PACSIN1: variants seen among roughly 807,000 people sequenced by gnomAD.
PACSIN1 encodes the protein protein kinase C and casein kinase substrate in neurons protein 1.
Under a neutral mutation model 59.5 loss-of-function variants are expected in PACSIN1, and 15 were observed. That is an observed-to-expected ratio of 0.25 (90% CI 0.17 to 0.39). The LOEUF is 0.39. PACSIN1 is among the 10% of genes least tolerant of loss of function. PACSIN1 has a pLI of 1.00. For missense variants in PACSIN1, 420 were observed against 580.2 expected, an observed-to-expected ratio of 0.72 and a Z score of 2.84; for synonymous variants, 210 against 220.6, an observed-to-expected ratio of 0.95 and a Z score of 0.42.
At position 34,526,263 on chromosome 6, in the gene PACSIN1, C is replaced by A; in HGVS notation, c.-43C>A. 1 of 1,561,802 alleles carries A rather than the reference C, an allele frequency of 6.4e-7. No homozygotes were observed. The highest frequency in any genetic ancestry group is 8.8e-7 in the Non-Finnish European group (1 of 1,136,902). ...CCCAGTGCATGAGCAGCCGAGCCTG[C>A]TAACCGCAGCTCCGCACTTGTCCAT... On this transcript the variant is annotated 5_prime_UTR_variant, in exon 2 of 10. It introduces an in-frame stop codon into an upstream open reading frame of the 5' UTR. Transcript: ENST00000244458.
rs1401406358 is a variant in PACSIN1 at position 34,530,252 on chromosome 6, T to C, written c.798T>C (p.His266=). ...ATCTCCCTGAGCACAGCTACATCCA[T>C]GTGTACCGTGAGCTGGAGCAGGCCA... The part of the protein sequence containing the change: ...LNLAENSSYI[H]VYRELEQAIR... Residue 266 remains histidine, a synonymous_variant, in exon 7 of 10, where the codon CAT becomes CAC. Transcript: ENST00000244458. The surrounding 1 kb of genome is among the most constrained non-coding windows in gnomAD (Gnocchi z 4.4). 3.1e-6 allele frequency: 5 copies of C among 1,613,356 alleles called. No individual in the cohort carries two copies. Among genetic ancestry groups the C allele is most frequent in the African/African-American group, 2.7e-5 (2 of 74,848 alleles).
intron 1 of PACSIN1, among the ~76,000 whole-genome samples, chr6:34,498,846 A>G (rs1161244319): frequency 6.7e-6 from 1 of 149,386 alleles, no homozygotes; most frequent in Non-Finnish European, 1.5e-5. Context: ...CTGGATATCC[A>G]CATTCAAAAG....
At chr6:34,470,506 C>T (rs1432809900) in intron 1 of PACSIN1, among the ~76,000 whole-genome samples, 6 of 151,618 alleles carry the variant, frequency 4.0e-5, no homozygotes, top group African/African-American at 9.7e-5. Flanking sequence ...TAAAATCACT[C>T]GATATTGTTA....
In PACSIN1 at chr6:34,533,933, G is replaced by T; in HGVS notation, c.*1403G>T. 6.6e-6 allele frequency: 1 copy of T among 152,488 alleles called. No homozygotes were observed. Among genetic ancestry groups the T allele is most frequent in the Non-Finnish European group, 1.5e-5 (1 of 68,138 alleles). The allele number at this position is 152,488 out of a possible 1,614,324, so 9.4% of individuals were successfully genotyped here. A position where few individuals can be genotyped will look rare whatever the true frequency, so the allele number is the denominator to read the frequency against. ...GCGGGGGCTTGGGAAGCAGACCAGG[G>T]TTGGACAAAACCCCATGAGGGCGGG... is the stretch of plus-strand genomic sequence containing the variant. On this transcript the variant is annotated 3_prime_UTR_variant, in exon 10 of 10. Coordinates refer to ENST00000244458, the MANE Select transcript of PACSIN1 (RefSeq NM_020804.5).
intron 1 of PACSIN1, among the ~76,000 whole-genome samples, chr6:34,512,626 G>A (rs79567341): frequency 6.6e-6 from 1 of 152,218 alleles, no homozygotes. Context: ...CTGACATCAG[G>A]CTTCTGGCCC....
At chr6:34,492,025 G>T (rs1240163617) in intron 1 of PACSIN1, among the ~76,000 whole-genome samples, 1 of 151,858 alleles carries the variant, frequency 6.6e-6, no homozygotes, top group East Asian at 1.9e-4. Flanking sequence ...TTTTTCTCCG[G>T]GTATATACCC....
intron 1 of PACSIN1, among the ~76,000 whole-genome samples, chr6:34,466,938 A>C (rs9296115): frequency 0.33 from 50,564 of 152,070 alleles, 10,269 homozygotes; most frequent in African/African-American, 0.57. Context: ...GAAAAGGTTA[A>C]AGGGTCATCA....
chr6:34,481,649 G>A lies in PACSIN1; in HGVS notation c.-64+15379G>A, dbSNP rs995425996. ...CGTGCCACTGCACTCCAGCCTGGGC[G>A]ACAGAGCAAGACTCCATCTAAAAAA... is the stretch of plus-strand genomic sequence containing the variant. On this transcript the variant is annotated intron_variant, in intron 1 of 9. Transcript: ENST00000244458. 2.0e-5 allele frequency among the ~76,000 whole-genome samples: 3 copies of A among 150,388 alleles called. No individual in the cohort carries two copies. In the Admixed American group the frequency reaches 2.0e-4, roughly 10 times the overall value.
chr6:34,469,141 C>G (rs1460729829), intron 1 of PACSIN1, among the ~76,000 whole-genome samples: 1 of 151,130 alleles, frequency 6.6e-6, no homozygotes, highest in Non-Finnish European at 1.5e-5. Context: ...GGGGCCCTCC[C>G]TGGGGAACCA....
At chr6:34,493,997 A>C (rs1165426661) in intron 1 of PACSIN1, among the ~76,000 whole-genome samples, 1 of 152,220 alleles carries the variant, frequency 6.6e-6, no homozygotes, top group African/African-American at 2.4e-5. Context: ...ATAGCTCTAA[A>C]GGCAGCAAGA....
intron 1 of PACSIN1, among the ~76,000 whole-genome samples, chr6:34,505,244 T>C (rs1767091073): frequency 1.3e-5 from 2 of 152,160 alleles, no homozygotes. Flanking sequence ...GTCATTTCTC[T>C]CTTTCTCTGT....
At chr6:34,470,625 C>A (rs1213020652) in intron 1 of PACSIN1, among the ~76,000 whole-genome samples, 2 of 2,546 alleles carry the variant, frequency 7.9e-4, no homozygotes, top group African/African-American at 1.0e-3. Flanking sequence ...AGGGATCCTC[C>A]CATTCAGCCT....
chr6:34,504,311 A>G (rs1304136445), intron 1 of PACSIN1, among the ~76,000 whole-genome samples: 3 of 133,360 alleles, frequency 2.2e-5, no homozygotes, highest in Non-Finnish European at 4.7e-5. Context: ...TTTTTTTTTA[A>G]ACGGAGTTTT....
At chr6:34,508,394 C>T (rs138030513) in intron 1 of PACSIN1, among the ~76,000 whole-genome samples, 58 of 152,060 alleles carry the variant, frequency 3.8e-4, no homozygotes, top group Middle Eastern at 3.4e-3. Context: ...TGTGAGCCAC[C>T]GTGCCCAGCA....
chr6:34,510,115 G>T (rs1467461201), intron 1 of PACSIN1, among the ~76,000 whole-genome samples: 1 of 152,222 alleles, frequency 6.6e-6, no homozygotes, highest in Non-Finnish European at 1.5e-5. Flanking sequence ...GTGGGCATTT[G>T]GGTTGCTTCC....
chr6:34,530,554 T>C lies in PACSIN1; in HGVS notation c.1004T>C (p.Val335Ala), dbSNP rs1767575330. 1.9e-6 allele frequency: 3 copies of C among 1,602,118 alleles called. No homozygotes were observed. The highest frequency in any genetic ancestry group is 2.6e-6 in the Non-Finnish European group (3 of 1,174,548). The change falls in exon 8 of 10, where the codon GTA (valine) becomes GCA (alanine). Residue 335 changes from valine to alanine, a missense_variant. Physicochemically the swap from Val to Ala is moderately conservative, Grantham distance 64 (BLOSUM62 0). Transcript: ENST00000244458. This position sits in a 1 kb window ranked among gnomAD's most constrained non-coding sequence, Gnocchi z 4.4. Reference protein sequence around the residue: ...GVALTNATGAVESTSQAGDRG... With the variant: ...GVALTNATGAAESTSQAGDRG... The stretch of plus-strand genomic sequence containing the variant: ...GCGCTGACCAATGCCACTGGGGCGG[T>C]AGAGTCCACATCCCAGGCTGGGGAC...
At chr6:34,492,222 G>A (rs1395176478) in intron 1 of PACSIN1, among the ~76,000 whole-genome samples, 2 of 77,380 alleles carry the variant, frequency 2.6e-5, no homozygotes, top group African/African-American at 9.1e-5. Flanking sequence ...TTTTTTTTGA[G>A]GCAAAATCTC....
intron 1 of PACSIN1, among the ~76,000 whole-genome samples, chr6:34,503,652 G>T (rs1767061785): frequency 6.6e-6 from 1 of 152,202 alleles, no homozygotes; most frequent in Non-Finnish European, 1.5e-5. Flanking sequence ...AAGCCCTGTG[G>T]TTCCATCTCC....
intron 1 of PACSIN1, among the ~76,000 whole-genome samples, chr6:34,512,880 CT>C (rs1468894816): frequency 1.3e-5 from 2 of 152,236 alleles, no homozygotes; most frequent in Non-Finnish European, 2.9e-5. Flanking sequence ...GAATCCCAGC[CT>C]ATCCACTGGC....
Sources: allele counts gnomAD v4.1 joint callset (sites outside exome capture counted in the v4.1 genomes callset), GRCh38; gene constraint gnomAD v4.1.1; non-coding constraint Gnocchi (gnomAD v3.1); transcripts MANE v1.5; gene names NCBI Gene and HGNC (gene_info 2026-07-23, HGNC 2026-07-21).